Variants in MYH11 observed in about 807,000 individuals in gnomAD.
MYH11 encodes myosin heavy chain 11, also known as myosin-11.
In MYH11, 80 loss-of-function variants were observed where a neutral mutation model predicts 246.6. The observed-to-expected ratio is 0.32, with a 90% CI of 0.27 to 0.39. The LOEUF is 0.39. Ranked by LOEUF, MYH11 falls within the 10% of genes least tolerant of loss-of-function variation. The probability of loss-of-function intolerance (pLI) is 1.00; values close to 1 mark genes in which losing one functional copy is unlikely to be tolerated. For synonymous variants in MYH11, 1,071 were observed against 1,015.5 expected (o/e 1.05, Z -1.04); for missense variants, 2,158 against 2,546.8 (o/e 0.85, Z 3.29).
At chr16:15,776,495 A>G (rs1484234455) in intron 7 of MYH11, among the ~76,000 whole-genome samples, 1 of 152,248 alleles carries the variant, frequency 6.6e-6, no homozygotes, top group Admixed American at 6.5e-5. Flanking sequence ...AGCTGTCTTC[A>G]GACATGACAG....
At chr16:15,849,573 C>T (rs1206258827) in intron 1 of MYH11, among the ~76,000 whole-genome samples, 1 of 152,096 alleles carries the variant, frequency 6.6e-6, no homozygotes, top group Non-Finnish European at 1.5e-5. Flanking sequence ...TCCCAAGTAG[C>T]TGGGATCACA....
At chr16:15,730,183 G>C (rs1487418050) in intron 27 of MYH11, among the ~76,000 whole-genome samples, 1 of 151,906 alleles carries the variant, frequency 6.6e-6, no homozygotes, top group Non-Finnish European at 1.5e-5. Context: ...AAGCTGCTAT[G>C]CTTTCTGTAC....
At chr16:15,774,970 A>G (rs1387991557) in intron 8 of MYH11, among the ~76,000 whole-genome samples, 1 of 152,218 alleles carries the variant, frequency 6.6e-6, no homozygotes, top group African/African-American at 2.4e-5. Flanking sequence ...TTCTGAGCTC[A>G]CACAGATCCT....
In MYH11 at chr16:15,759,632, G is replaced by A. The variant is rs1362359781; in HGVS notation, c.1345C>T (p.Arg449Trp). 2 of 1,614,192 alleles carry A rather than the reference G, an allele frequency of 1.2e-6. No homozygotes were observed. The highest frequency in any genetic ancestry group is 1.7e-5 in the Admixed American group (1 of 60,026). Residue 449 changes from arginine (R) to tryptophan (W), a missense_variant, in exon 12 of 41, where the codon CGG (arginine) becomes TGG (tryptophan). Coordinates refer to ENST00000300036, the MANE Select transcript of MYH11 (RefSeq NM_002474.3). ...RVNKALDKTH[R>W]QGASFLGILD... is the part of the protein sequence containing the mutation. ...ATCCCCAGGAAGGAAGCCCCTTGCC[G>A]ATGGGTCTTGTCCAGGGCTTTGTTC...
At chr16:15,734,901 C>T (rs1329973194) in intron 26 of MYH11, among the ~76,000 whole-genome samples, 3 of 151,942 alleles carry the variant, frequency 2.0e-5, no homozygotes, top group East Asian at 1.9e-4. Flanking sequence ...TGATGAGGGT[C>T]GGGTGCAGTG....
intron 22 of MYH11, chr16:15,741,226 G>T: frequency 1.6e-6 from 1 of 612,444 alleles, no homozygotes. Flanking sequence ...ATTCAGGCTT[G>T]CTGTTAGGAG....
At chr16:15,813,489 T>C (rs1200098314) in intron 3 of MYH11, among the ~76,000 whole-genome samples, 2 of 152,084 alleles carry the variant, frequency 1.3e-5, no homozygotes, top group African/African-American at 4.8e-5. Flanking sequence ...ACCTTGTAGG[T>C]TTGTGGTAAA....
chr16:15,714,690 A>G (rs1183272144), intron 40 of MYH11: 3 of 630,618 alleles, frequency 4.8e-6, no homozygotes, highest in African/African-American at 1.8e-5. Flanking sequence ...TCGTTAAAGG[A>G]TCTAGAAGGT....
At chr16:15,747,225 C>G (rs1473113522) in intron 19 of MYH11, among the ~76,000 whole-genome samples, 1 of 152,118 alleles carries the variant, frequency 6.6e-6, no homozygotes, top group African/African-American at 2.4e-5. Flanking sequence ...CATGCGTTAT[C>G]TTAGTGACAC....
At chr16:15,774,849 A>G (rs1055274398) in intron 8 of MYH11, among the ~76,000 whole-genome samples, 1 of 152,218 alleles carries the variant, frequency 6.6e-6, no homozygotes, top group African/African-American at 2.4e-5. Context: ...TCTGCCTCCG[A>G]AAGTGTGGGA....
chr16:15,758,177 C>T (rs1268062895), intron 12 of MYH11, among the ~76,000 whole-genome samples, 177 bp from the exon 13 acceptor site: 1 of 152,146 alleles, frequency 6.6e-6, no homozygotes, highest in Non-Finnish European at 1.5e-5. Context: ...TCCACCAGGG[C>T]TGGTGAAGTT....
intron 3 of MYH11, among the ~76,000 whole-genome samples, chr16:15,814,098 C>T (rs1378674476): frequency 6.6e-6 from 1 of 150,956 alleles, no homozygotes; most frequent in Non-Finnish European, 1.5e-5. Flanking sequence ...GAGCAGAGAT[C>T]GTGCACTCCA....
At chr16:15,777,037 T>A (rs913631205) in intron 7 of MYH11, among the ~76,000 whole-genome samples, 1 of 152,140 alleles carries the variant, frequency 6.6e-6, no homozygotes, top group East Asian at 1.9e-4. Flanking sequence ...CCACAGCCCA[T>A]GTCCAATCTG....
intron 37 of MYH11, chr16:15,717,872 G>C (rs2040248417): frequency 7.2e-6 from 2 of 278,388 alleles, no homozygotes; most frequent in African/African-American, 4.4e-5. Context: ...TCTCTGTCCT[G>C]GAGTCGCCTG....
chr16:15,781,186 A>G (rs7201553), intron 6 of MYH11, among the ~76,000 whole-genome samples: 28,705 of 152,260 alleles, frequency 0.19, 2,885 homozygotes, highest in East Asian at 0.34. Context: ...GACTACGGGC[A>G]TGAGCCACCT....
intron 10 of MYH11, among the ~76,000 whole-genome samples, chr16:15,760,906 C>T (rs765792983): frequency 6.6e-6 from 1 of 152,106 alleles, no homozygotes; most frequent in Non-Finnish European, 1.5e-5. Context: ...GGTTTAGGGT[C>T]AGGTAGTTCT....
chr16:15,782,515 C>G, intron 5 of MYH11, 38 bp from the exon 6 acceptor site: 1 of 1,554,806 alleles, frequency 6.4e-7, no homozygotes, highest in East Asian at 2.2e-5. Context: ...GAGAAAGCAA[C>G]CTAGGTCCTG....
intron 6 of MYH11, among the ~76,000 whole-genome samples, chr16:15,780,114 T>G (rs2042311845): frequency 6.6e-6 from 1 of 152,150 alleles, no homozygotes; most frequent in African/African-American, 2.4e-5. Flanking sequence ...TGGAGGATGT[T>G]TTTAGGGATT....
chr16:15,831,937 T>TA (rs34089893), intron 2 of MYH11, among the ~76,000 whole-genome samples: 344 of 142,732 alleles, frequency 2.4e-3, no homozygotes, highest in African/African-American at 3.8e-3. Flanking sequence ...GACTCCATGT[T>TA]AAAAAAAAAA....
Sources: gnomAD v4.1 joint callset for allele counts (sites outside exome capture counted in the v4.1 genomes callset) on GRCh38, gnomAD v4.1.1 for gene constraint, MANE v1.5 for transcripts, NCBI Gene and HGNC (gene_info 2026-07-23, HGNC 2026-07-21) for gene names.